Variants in DPF3 observed in about 807,000 individuals in gnomAD.
DPF3 encodes zinc finger protein DPF3.
Under a neutral mutation model 56.8 loss-of-function variants are expected in DPF3, and 18 were observed. That is an observed-to-expected ratio of 0.32 (90% CI 0.22 to 0.47). DPF3 has a LOEUF of 0.47. Among genes scored for constraint, DPF3 ranks in the 20% least tolerant of loss-of-function variants. The pLI is 1.00. For synonymous variants in DPF3, 188 were observed against 180.2 expected (o/e 1.04, Z -0.35); for missense variants, 403 against 488.8 (o/e 0.82, Z 1.65).
intron 7 of DPF3, among the ~76,000 whole-genome samples, chr14:72,683,145 A>T (rs1176279208): frequency 6.6e-6 from 1 of 151,934 alleles, no homozygotes; most frequent in Non-Finnish European, 1.5e-5. Context: ...TGGCTAACAT[A>T]GCAAAACCCC....
intron 8 of DPF3, among the ~76,000 whole-genome samples, chr14:72,672,676 T>C (rs1320992367): frequency 6.6e-6 from 1 of 152,002 alleles, no homozygotes; most frequent in African/African-American, 2.4e-5. Flanking sequence ...AAAAACAACT[T>C]CCCACTCCTG....
At chr14:72,781,562 GAATTTATA>G (rs1478900468) in intron 1 of DPF3, among the ~76,000 whole-genome samples, 2 of 152,220 alleles carry the variant, frequency 1.3e-5, no homozygotes, top group African/African-American at 4.8e-5. Context: ...AAGCAAGACA[GAATTTATA>G]TTGAACCTGG....
intron 1 of DPF3, chr14:72,879,817 G>A (rs1296567137): frequency 1.9e-5 from 29 of 1,535,342 alleles, no homozygotes; most frequent in Middle Eastern, 3.3e-4. Flanking sequence ...AGAGCCCATG[G>A]GCCTCCAGGG....
intron 1 of DPF3, among the ~76,000 whole-genome samples, chr14:72,824,864 G>A (rs930168051): frequency 2.6e-5 from 4 of 151,768 alleles, no homozygotes; most frequent in Non-Finnish European, 4.4e-5. Flanking sequence ...GAGCTACCAC[G>A]ACCAGCCTAC....
Position 72,796,435 on chromosome 14 carries a change from G to A in DPF3, c.33-24542C>T, listed in dbSNP as rs180884941. Among the ~76,000 whole-genome samples, 131 of 152,198 alleles carry A rather than the reference G, an allele frequency of 8.6e-4. 1 individual carries two copies. The highest frequency in any genetic ancestry group is 1.4e-3 in the Non-Finnish European group (98 of 67,996). On this transcript the variant is annotated intron_variant, in intron 1 of 10. Coordinates refer to ENST00000556509, the MANE Select transcript of DPF3 (RefSeq NM_001280542.3). ...GAAGAATCACTTGAGCCCGGGAGGC[G>A]GAGGTTACAATAAGCCAAGATCATG...
intron 1 of DPF3, among the ~76,000 whole-genome samples, chr14:72,840,347 T>TTATGCATATGTATACATATA (rs1190743825): frequency 6.6e-6 from 1 of 152,182 alleles, no homozygotes; most frequent in Non-Finnish European, 1.5e-5. Flanking sequence ...GTGCATTCCT[T>TTATGCATATGTATACATATA]TATGCATATG....
chr14:72,756,927 A>AAAGAAAGAAAGAAAGAAAGAAAGG (rs1433435397), intron 2 of DPF3, among the ~76,000 whole-genome samples: 3 of 143,596 alleles, frequency 2.1e-5, no homozygotes, highest in African/African-American at 8.4e-5. Flanking sequence ...AGAAAGAAAG[A>AAAGAAAGAAAGAAAGAAAGAAAGG]AAGAAGAGAA....
intron 5 of DPF3, among the ~76,000 whole-genome samples, chr14:72,722,102 GATA>G (rs1355760691): frequency 6.6e-6 from 1 of 152,178 alleles, no homozygotes; most frequent in African/African-American, 2.4e-5. Flanking sequence ...TATTGGATAT[GATA>G]ATGATATCTG....
In DPF3 at chr14:72,693,188, T is replaced by C. The variant is rs1038654217; in HGVS notation, c.630A>G (p.Arg210=). Residue 210 remains arginine, a synonymous_variant, in exon 7 of 11, where the codon CGA becomes CGG. Coordinates refer to ENST00000556509, the MANE Select transcript of DPF3 (RefSeq NM_001280542.3). ...GAGCATAGTGGTAGCTGAGCCCCGGTCGGTTCTTGTAGCGCTTGCCACAGA... is the reference window on the plus strand; with the variant it reads ...GAGCATAGTGGTAGCTGAGCCCCGGCCGGTTCTTGTAGCGCTTGCCACAGA... ...CDICGKRYKN[R]PGLSYHYAHT... is the part of the protein sequence containing the mutation. The C allele has an allele frequency of 4.3e-6, 7 of 1,613,754 alleles. No homozygotes were observed. The African/African-American group carries it at 9.3e-5, about 22-fold the overall frequency.
intron 1 of DPF3, among the ~76,000 whole-genome samples, chr14:72,796,359 C>T (rs1892647145): frequency 6.6e-6 from 1 of 152,136 alleles, no homozygotes; most frequent in South Asian, 2.1e-4. Context: ...AAAAATTAGC[C>T]AGGCATAGTG....
chr14:72,736,012 A>G (rs1170795865), intron 3 of DPF3, among the ~76,000 whole-genome samples: 11 of 152,222 alleles, frequency 7.2e-5, no homozygotes, highest in African/African-American at 2.7e-4. Context: ...TAAAAATGCT[A>G]GATGTTATTC....
intron 1 of DPF3, among the ~76,000 whole-genome samples, chr14:72,843,887 T>C (rs906438891): frequency 2.5e-4 from 38 of 152,320 alleles, no homozygotes; most frequent in African/African-American, 8.9e-4. Flanking sequence ...TAGGCATTGC[T>C]CTCTGAGCTT....
intron 1 of DPF3, among the ~76,000 whole-genome samples, chr14:72,787,823 G>A (rs191556748): frequency 8.5e-5 from 13 of 152,316 alleles, no homozygotes; most frequent in African/African-American, 2.2e-4. Context: ...GTGCAGGTCC[G>A]GGGCCAGAAC....
intron 1 of DPF3, among the ~76,000 whole-genome samples, chr14:72,839,821 C>T (rs1206169649): frequency 6.6e-6 from 1 of 152,172 alleles, no homozygotes; most frequent in Non-Finnish European, 1.5e-5. Flanking sequence ...ACTGTAGGAC[C>T]CACACCTGTG....
intron 1 of DPF3, among the ~76,000 whole-genome samples, chr14:72,862,207 C>A (rs934063356): frequency 6.6e-6 from 1 of 152,072 alleles, no homozygotes; most frequent in Non-Finnish European, 1.5e-5. Context: ...GTTCCCTAAC[C>A]CCCCCTGCAT....
rs369162060 is a variant in DPF3 at position 72,677,362 on chromosome 14, T to C, written c.743-2994A>G. On this transcript the variant is annotated intron_variant, in intron 7 of 10. Transcript: ENST00000556509. ...TGGACTAATTGCTTATGCACCTGAT[T>C]TTCTTAAACATTTTGGTACTTGGGA... Among the ~76,000 whole-genome samples the C allele has an allele frequency of 1.3e-4, 20 of 152,342 alleles. No homozygotes were observed. The East Asian group carries it at 2.3e-3, about 18-fold the overall frequency.
chr14:72,615,906 G>T lies in DPF3; in HGVS notation c.*3391C>A, dbSNP rs1352211389. 1.3e-5 allele frequency among the ~76,000 whole-genome samples: 2 copies of T among 152,238 alleles called. No individual in the cohort carries two copies. Among genetic ancestry groups the T allele is most frequent in the Non-Finnish European group, 2.9e-5 (2 of 68,042 alleles). ...AAACAGGATTTCCACTTCCGGTTGG[G>T]TCTGGCAGCCTCACCTCTCTGGTTT... On this transcript the variant is annotated 3_prime_UTR_variant, in exon 11 of 11. Coordinates refer to ENST00000556509, the MANE Select transcript of DPF3 (RefSeq NM_001280542.3).
At chr14:72,746,042 C>T (rs926375934) in intron 3 of DPF3, among the ~76,000 whole-genome samples, 1 of 152,200 alleles carries the variant, frequency 6.6e-6, no homozygotes, top group African/African-American at 2.4e-5. Context: ...TGAGATCTAG[C>T]TCGTGCTCTA....
At chr14:72,639,663 T>G (rs1374591534) in intron 8 of DPF3, among the ~76,000 whole-genome samples, 1 of 152,084 alleles carries the variant, frequency 6.6e-6, no homozygotes, top group Non-Finnish European at 1.5e-5. Context: ...GGCTTGGAAT[T>G]GAATTATCTC....
Sources: allele counts gnomAD v4.1 joint callset (sites outside exome capture counted in the v4.1 genomes callset), GRCh38; gene constraint gnomAD v4.1.1; transcripts MANE v1.5; gene names NCBI Gene and HGNC (gene_info 2026-07-23, HGNC 2026-07-21).